The following ZNF365 variants were observed in gnomAD, a reference collection of about 807,000 sequenced individuals.
ZNF365 encodes zinc finger protein 365.
ZNF365 carries 22 observed loss-of-function variants against 35.0 expected under a neutral mutation model. That is an observed-to-expected ratio of 0.63 (90% CI 0.45 to 0.90). ZNF365 has a LOEUF of 0.90. Among genes scored for constraint, ZNF365 ranks in the 40% least tolerant of loss-of-function variants. The pLI is 0.00. For missense variants in ZNF365, 448 were observed against 500.3 expected (o/e 0.90, Z 1.00); for synonymous variants, 188 against 196.2 (o/e 0.96, Z 0.35).
intron 3 of ZNF365, among the ~76,000 whole-genome samples, chr10:62,408,879 G>A (rs1053562352): frequency 3.3e-5 from 5 of 152,050 alleles, no homozygotes; most frequent in African/African-American, 9.7e-5. Flanking sequence ...GCTTCTTAGC[G>A]TCCTATGTTT....
At chr10:62,444,725 C>A (rs1429573258) in intron 3 of ZNF365, among the ~76,000 whole-genome samples, 1 of 152,110 alleles carries the variant, frequency 6.6e-6, no homozygotes, top group Non-Finnish European at 1.5e-5. Flanking sequence ...TCCAGGGAAG[C>A]CTTCTTACCT....
chr10:62,454,958 A>G (rs571175642), intron 3 of ZNF365, among the ~76,000 whole-genome samples: 1 of 152,302 alleles, frequency 6.6e-6, no homozygotes, highest in Admixed American at 6.5e-5. Flanking sequence ...GATAAATGGG[A>G]CTTCCAACTG....
At chr10:62,393,423 A>G (rs1839669621) in intron 3 of ZNF365, among the ~76,000 whole-genome samples, 1 of 152,216 alleles carries the variant, frequency 6.6e-6, no homozygotes, top group African/African-American at 2.4e-5. Context: ...ACCACAAACA[A>G]TTCATTGTGC....
intron 4 of ZNF365, among the ~76,000 whole-genome samples, chr10:62,478,495 C>T (rs1159170126): frequency 6.6e-6 from 1 of 152,202 alleles, no homozygotes; most frequent in African/African-American, 2.4e-5. Flanking sequence ...AACATGATCT[C>T]CTTGGGGTCT....
At chr10:62,476,683 A>T (rs968731530) in intron 4 of ZNF365, among the ~76,000 whole-genome samples, 1 of 152,264 alleles carries the variant, frequency 6.6e-6, no homozygotes, top group African/African-American at 2.4e-5. Context: ...AGTGAAATGC[A>T]TAAGTCAAAT....
intron 3 of ZNF365, among the ~76,000 whole-genome samples, chr10:62,436,379 AG>A (rs1840407726): frequency 6.9e-6 from 1 of 145,008 alleles, no homozygotes; most frequent in South Asian, 2.2e-4. Flanking sequence ...AAGAGGGTAC[AG>A]GGAATCATTC....
chr10:62,411,637 G>T (rs1451110637), intron 3 of ZNF365, among the ~76,000 whole-genome samples: 1 of 152,032 alleles, frequency 6.6e-6, no homozygotes, highest in Admixed American at 6.6e-5. Flanking sequence ...ATTGGTCTAT[G>T]TGTCTGTTTT....
intron 4 of ZNF365, among the ~76,000 whole-genome samples, chr10:62,464,001 C>T (rs1840890658): frequency 6.6e-6 from 1 of 152,146 alleles, no homozygotes; most frequent in South Asian, 2.1e-4. Context: ...GCCAGGTGGA[C>T]ATTATCAATA....
intron 3 of ZNF365, among the ~76,000 whole-genome samples, chr10:62,422,249 T>C (rs965054914): frequency 6.6e-6 from 1 of 152,174 alleles, no homozygotes; most frequent in Non-Finnish European, 1.5e-5. Context: ...TTGATGAAAC[T>C]TCTAGGGTTG....
chr10:62,440,759 A>G (rs1453537220), intron 3 of ZNF365, among the ~76,000 whole-genome samples: 1 of 152,196 alleles, frequency 6.6e-6, no homozygotes, highest in African/African-American at 2.4e-5. Flanking sequence ...CCTTAAAACT[A>G]CAGAAACAAA....
Position 62,376,484 on chromosome 10 carries a change from C to T in ZNF365, c.291C>T (p.Ser97=). 1 of 1,614,128 alleles carries T rather than the reference C, an allele frequency of 6.2e-7. No individual in the cohort carries two copies. Among genetic ancestry groups the T allele is most frequent in the Non-Finnish European group, 8.5e-7 (1 of 1,180,040 alleles). Residue 97 remains serine (S), a synonymous_variant, in exon 2 of 5, where the codon AGC becomes AGT. Transcript: ENST00000395254. ...GCAACGTGGTAAAGCAGAAACCGAGCTATGTTAACTTGTACAGCATTTCAC... is the reference window on the plus strand; with the variant it reads ...GCAACGTGGTAAAGCAGAAACCGAGTTATGTTAACTTGTACAGCATTTCAC... The part of the protein sequence containing the change: ...SSGNVVKQKP[S]YVNLYSISHE...
In ZNF365 at chr10:62,399,853, A is replaced by G; in HGVS notation, c.*64A>G. The G allele has an allele frequency of 2.6e-6, 4 of 1,520,998 alleles. No homozygotes were observed. Among genetic ancestry groups the G allele is most frequent in the Non-Finnish European group, 3.5e-6 (4 of 1,133,266 alleles). The allele number at this position is 1,520,998 out of a possible 1,614,324, so 94.2% of individuals were successfully genotyped here. A position where few individuals can be genotyped will look rare whatever the true frequency, so the allele number is the denominator to read the frequency against. On this transcript the variant is annotated 3_prime_UTR_variant, in exon 5 of 5. Coordinates refer to ENST00000395254, the MANE Select transcript of ZNF365 (RefSeq NM_014951.3). Reference sequence around the variant, plus strand: ...GGGGAACGTTGTTCCAGGAGCCAACAGTAATGTCTTTCTGGAAACATTCCA... The same window carrying G: ...GGGGAACGTTGTTCCAGGAGCCAACGGTAATGTCTTTCTGGAAACATTCCA...
At chr10:62,472,074 G>A (rs1841049116) in intron 4 of ZNF365, among the ~76,000 whole-genome samples, 1 of 152,194 alleles carries the variant, frequency 6.6e-6, no homozygotes, top group African/African-American at 2.4e-5. Context: ...ACAATACACA[G>A]CCTGCTACTT....
At chr10:62,387,361 G>A (rs1431629254) in intron 2 of ZNF365, among the ~76,000 whole-genome samples, 1 of 152,042 alleles carries the variant, frequency 6.6e-6, no homozygotes, top group Admixed American at 6.5e-5. Context: ...CCAAGATAAT[G>A]GTGGTGGTCT....
intron 3 of ZNF365, among the ~76,000 whole-genome samples, chr10:62,396,584 C>CA (rs1839731599): frequency 6.6e-6 from 1 of 152,164 alleles, no homozygotes; most frequent in Admixed American, 6.5e-5. Context: ...CTTGGTAAGA[C>CA]ACAGTAAAGT....
chr10:62,418,157 C>T (rs1840104701), intron 3 of ZNF365, among the ~76,000 whole-genome samples: 1 of 151,854 alleles, frequency 6.6e-6, no homozygotes, highest in Non-Finnish European at 1.5e-5. Context: ...TTTAAGTGGT[C>T]TATCTTATAG....
rs115311149 is a variant in ZNF365 at position 62,419,540 on chromosome 10, T to A, written c.924+30964T>A. Among the ~76,000 whole-genome samples the A allele has an allele frequency of 6.0e-3, 906 of 151,862 alleles. 7 individuals are homozygous for A. Among genetic ancestry groups the A allele is most frequent in the African/African-American group, 0.021 (860 of 41,438 alleles). On this transcript the variant is annotated intron_variant, in intron 3 of 4. Coordinates refer to the ZNF365 transcript ENST00000395255. ...GGGTGGGCTTATACAAAGTCGTTTG[T>A]CAGGAATTCTCATTGGTTAACAGAG...
chr10:62,476,327 GA>G (rs1841130266), intron 4 of ZNF365, among the ~76,000 whole-genome samples: 1 of 152,142 alleles, frequency 6.6e-6, no homozygotes, highest in Non-Finnish European at 1.5e-5. Flanking sequence ...GATTTGGGAG[GA>G]AAAGTGTGCC....
At chr10:62,398,662 A>T in intron 3 of ZNF365, 78 bp from the exon 4 acceptor site, 1 of 1,387,044 alleles carries the variant, frequency 7.2e-7, no homozygotes. Context: ...CAGTTTTTAG[A>T]AAGTATAAGA....
Sources: allele counts gnomAD v4.1 joint callset (sites outside exome capture counted in the v4.1 genomes callset), GRCh38; gene constraint gnomAD v4.1.1; transcripts MANE v1.5; gene names NCBI Gene and HGNC (gene_info 2026-07-23, HGNC 2026-07-21).